The following BAZ1B variants were observed in gnomAD, a reference collection of about 807,000 sequenced individuals.
The protein encoded by BAZ1B is bromodomain adjacent to zinc finger domain 1B.
In BAZ1B, 22 loss-of-function variants were observed where a neutral mutation model predicts 153.8. That is an observed-to-expected ratio of 0.14 (90% confidence interval 0.10 to 0.20). The LOEUF is 0.20. Ranked by LOEUF, BAZ1B falls within the 10% of genes least tolerant of loss-of-function variation. The pLI, the probability that BAZ1B is intolerant of heterozygous loss-of-function variation, is 1.00. For missense variants in BAZ1B, 1,325 were observed against 1,799.3 expected, an observed-to-expected ratio of 0.74 and a Z score of 4.77; for synonymous variants, 676 against 633.4, an observed-to-expected ratio of 1.07 and a Z score of -1.01.
rs1213839525 is a variant in BAZ1B, at chr7:73,463,232, CTTTT to C, written c.3072-137_3072-134del. ...CTTTCACCTCTCCCTGGTGTTTTTT[CTTTT>C]TTCTTTTTTTTTTTTTTTTTTCCCC... On this transcript the variant is annotated intron_variant, in intron 11 of 19. Coordinates refer to ENST00000339594, the MANE Select transcript of BAZ1B (RefSeq NM_032408.4). The C allele has an allele frequency of 3.0e-4, 194 of 638,512 alleles. 1 individual carries two copies. The highest frequency in any genetic ancestry group is 1.8e-3 in the South Asian group (79 of 42,828). 39.6% of individuals were successfully genotyped at this position (638,512 alleles called of 1,614,324 possible).
chr7:73,474,763 C>T (rs184242911), intron 7 of BAZ1B, among the ~76,000 whole-genome samples: 115 of 152,206 alleles, frequency 7.6e-4, no homozygotes, highest in Non-Finnish European at 1.2e-3. Context: ...CAAAAAAGAG[C>T]GCAACTCCGT....
intron 7 of BAZ1B, among the ~76,000 whole-genome samples, chr7:73,471,512 G>A (rs1444880543): frequency 2.0e-5 from 3 of 152,070 alleles, no homozygotes; most frequent in Non-Finnish European, 4.4e-5. Context: ...CAATTTTTAA[G>A]AAGTGTTTAT....
At chr7:73,513,824 G>A (rs1194630738) in intron 1 of BAZ1B, among the ~76,000 whole-genome samples, 1 of 151,838 alleles carries the variant, frequency 6.6e-6, no homozygotes, top group African/African-American at 2.4e-5. Context: ...TTGAGCCCAG[G>A]GGTTCAAAAC....
intron 15 of BAZ1B, among the ~76,000 whole-genome samples, chr7:73,447,899 C>T (rs1266544344): frequency 6.6e-6 from 1 of 152,144 alleles, no homozygotes; most frequent in Non-Finnish European, 1.5e-5. Flanking sequence ...TGGTCCAAAG[C>T]CCCACCATTT....
chr7:73,455,003 G>A (rs191079383), intron 13 of BAZ1B, among the ~76,000 whole-genome samples: 442 of 151,704 alleles, frequency 2.9e-3, no homozygotes, highest in Non-Finnish European at 3.3e-3. Context: ...CTACAGGCTC[G>A]CGCCACCACA....
At chr7:73,464,720 G>A (rs1363167234) in intron 11 of BAZ1B, among the ~76,000 whole-genome samples, 1 of 151,906 alleles carries the variant, frequency 6.6e-6, no homozygotes, top group African/African-American at 2.4e-5. Flanking sequence ...CTAAATTTTG[G>A]GGGTTTTTTG....
intron 6 of BAZ1B, among the ~76,000 whole-genome samples, chr7:73,484,127 A>G (rs1429946306): frequency 6.6e-6 from 1 of 152,068 alleles, no homozygotes; most frequent in Non-Finnish European, 1.5e-5. Context: ...TTAGCCAGGC[A>G]TGGTGGTGGG....
chr7:73,451,253 T>TA (rs1765660830), intron 13 of BAZ1B, among the ~76,000 whole-genome samples: 1 of 152,158 alleles, frequency 6.6e-6, no homozygotes, highest in African/African-American at 2.4e-5. Flanking sequence ...CAGTATAATT[T>TA]AAAAATAGGA....
chr7:73,452,272 A>G (rs1255635524), intron 13 of BAZ1B, among the ~76,000 whole-genome samples: 2 of 152,146 alleles, frequency 1.3e-5, no homozygotes, highest in Non-Finnish European at 2.9e-5. Flanking sequence ...TACTTTCATC[A>G]GTTTTACTGC....
chr7:73,484,623 A>G (rs1554574233), intron 6 of BAZ1B, among the ~76,000 whole-genome samples: 2 of 152,192 alleles, frequency 1.3e-5, no homozygotes, highest in South Asian at 2.1e-4. Context: ...CAGCCTGGGC[A>G]GAGCAAGAGC....
At chr7:73,508,719 G>C (rs1156688250) in intron 2 of BAZ1B, among the ~76,000 whole-genome samples, 2 of 152,150 alleles carry the variant, frequency 1.3e-5, no homozygotes, top group Admixed American at 6.6e-5. Flanking sequence ...CCTCTTTTAA[G>C]ACTTAACTTT....
At chr7:73,493,769 G>A (rs1434599965) in intron 4 of BAZ1B, among the ~76,000 whole-genome samples, 4 of 150,688 alleles carry the variant, frequency 2.7e-5, no homozygotes, top group African/African-American at 7.3e-5. Flanking sequence ...AGCCTGGGAG[G>A]TCAGGGCTGC....
intron 4 of BAZ1B, among the ~76,000 whole-genome samples, chr7:73,494,394 G>A (rs1011631658): frequency 7.3e-5 from 11 of 151,606 alleles, no homozygotes; most frequent in African/African-American, 2.2e-4. Flanking sequence ...AAAAGAAGAC[G>A]AACATAAAAT....
At chr7:73,488,408 T>C (rs1435504302) in intron 6 of BAZ1B, among the ~76,000 whole-genome samples, 4 of 152,042 alleles carry the variant, frequency 2.6e-5, no homozygotes, top group Non-Finnish European at 5.9e-5. Flanking sequence ...ATAAAAATAT[T>C]TGGAAAATCA....
intron 6 of BAZ1B, among the ~76,000 whole-genome samples, chr7:73,487,420 C>A (rs1554574620): frequency 6.6e-6 from 1 of 152,222 alleles, no homozygotes; most frequent in South Asian, 2.1e-4. Flanking sequence ...CAGAGCAAGA[C>A]CCTGTCTCTA....
At chr7:73,446,887 T>C (rs926950095) in intron 16 of BAZ1B, among the ~76,000 whole-genome samples, 5 of 152,166 alleles carry the variant, frequency 3.3e-5, no homozygotes, top group Non-Finnish European at 7.3e-5. Context: ...AAAGCAGCGA[T>C]AAAACAACAG....
chr7:73,510,706 G>A (rs782282429), intron 2 of BAZ1B, 30 bp downstream of exon 2: 3 of 1,575,562 alleles, frequency 1.9e-6, no homozygotes, highest in Non-Finnish European at 2.6e-6. Flanking sequence ...TGTGAAGATG[G>A]TGGCAAAGAG....
intron 13 of BAZ1B, among the ~76,000 whole-genome samples, chr7:73,453,138 G>A (rs1157673947): frequency 6.6e-6 from 1 of 152,220 alleles, no homozygotes; most frequent in Non-Finnish European, 1.5e-5. Flanking sequence ...CTTGCTAAGT[G>A]GAAACCTTCA....
chr7:73,445,026 AAAAC>A (rs1164495968), intron 16 of BAZ1B, among the ~76,000 whole-genome samples: 7 of 66,726 alleles, frequency 1.0e-4, no homozygotes, highest in African/African-American at 5.0e-4. Flanking sequence ...CAAAAGAAAA[AAAAC>A]ACACACACAC....
Sources: allele counts gnomAD v4.1 joint callset (sites outside exome capture counted in the v4.1 genomes callset), GRCh38; gene constraint gnomAD v4.1.1; transcripts MANE v1.5; gene names NCBI Gene and HGNC (gene_info 2026-07-23, HGNC 2026-07-21).